AURKA: variants seen among roughly 807,000 people sequenced by gnomAD.
The protein encoded by AURKA is aurora kinase A.
AURKA carries 12 observed loss-of-function variants against 40.9 expected under a neutral mutation model. The observed-to-expected ratio is 0.29, with a 90% confidence interval of 0.19 to 0.48. The LOEUF (loss-of-function observed/expected upper bound fraction) is 0.48, where lower values mean the gene tolerates loss of function less well. Among genes scored for constraint, AURKA ranks in the 20% least tolerant of loss-of-function variants. The pLI is 0.99. For synonymous variants in AURKA, 170 were observed against 164.3 expected (o/e 1.03, Z -0.26); for missense variants, 322 against 462.1 (o/e 0.70, Z 2.78).
Position 56,373,765 on chromosome 20 carries a change from A to G in AURKA, c.706-209T>C, listed in dbSNP as rs952749175. 3.9e-5 allele frequency among the ~76,000 whole-genome samples: 6 copies of G among 152,144 alleles called. No homozygotes were observed. The highest frequency in any genetic ancestry group is 1.4e-4 in the African/African-American group (6 of 41,412). ...CAGGGGTTCAAGACCAGCCTGGGAA[A>G]CATAGCAAGACTCCATCTCTACAAA... On this transcript the variant is annotated intron_variant, in intron 6 of 8. Transcript: ENST00000395915. The surrounding 1 kb of genome is among the most constrained non-coding windows in gnomAD (Gnocchi z 5.0).
chr20:56,382,800 C>T (rs1985888045), intron 5 of AURKA, among the ~76,000 whole-genome samples, 185 bp downstream of exon 5: 1 of 151,498 alleles, frequency 6.6e-6, no homozygotes. Context: ...TAACCCAGTG[C>T]AGTACAGAAG....
At chr20:56,388,102 C>T in intron 2 of AURKA, 54 bp downstream of exon 2, 1 of 1,597,022 alleles carries the variant, frequency 6.3e-7, no homozygotes, top group South Asian at 1.1e-5. Context: ...CCGACAAGAC[C>T]AACCTCCATG....
At chr20:56,391,659 T>C (rs1332094123) in intron 1 of AURKA, among the ~76,000 whole-genome samples, 1 of 152,044 alleles carries the variant, frequency 6.6e-6, no homozygotes, top group Non-Finnish European at 1.5e-5. Flanking sequence ...TTCTCATTCA[T>C]CAATTCACCC....
At chr20:56,375,271 G>C in intron 6 of AURKA, among the ~76,000 whole-genome samples, 1 of 151,254 alleles carries the variant, frequency 6.6e-6, no homozygotes, top group East Asian at 1.9e-4. Context: ...GGGACTACAG[G>C]TGTGTGCCAC....
intron 6 of AURKA, among the ~76,000 whole-genome samples, chr20:56,374,084 A>C (rs941480526): frequency 6.6e-6 from 1 of 152,126 alleles, no homozygotes; most frequent in African/African-American, 2.4e-5. Flanking sequence ...GTTAGCATGA[A>C]GTGAAATTAC....
chr20:56,371,313 T>C (rs1489803601), intron 7 of AURKA, among the ~76,000 whole-genome samples: 3 of 151,612 alleles, frequency 2.0e-5, no homozygotes, highest in Non-Finnish European at 4.4e-5. Context: ...ATACAAAAAA[T>C]TAGCCGGGTG....
intron 7 of AURKA, 108 bp from the exon 8 acceptor site, chr20:56,370,767 G>A: frequency 8.3e-7 from 1 of 1,209,936 alleles, no homozygotes; most frequent in South Asian, 1.4e-5. Context: ...CCCTGGGCCA[G>A]ATCCTGTGCC....
At chr20:56,387,309 C>T (rs1015459500) in intron 2 of AURKA, among the ~76,000 whole-genome samples, 10 of 152,176 alleles carry the variant, frequency 6.6e-5, no homozygotes, top group Admixed American at 5.9e-4. Flanking sequence ...CCTGCCACCA[C>T]GCCTGGCTAA....
At chr20:56,381,093 C>T (rs982283757) in intron 6 of AURKA, among the ~76,000 whole-genome samples, 1 of 151,980 alleles carries the variant, frequency 6.6e-6, no homozygotes, top group Admixed American at 6.6e-5. Flanking sequence ...CATAACAAGA[C>T]CCTGTCCCTT....
At chr20:56,388,434 G>A (rs1307942372) in intron 1 of AURKA, 1 of 575,296 alleles carries the variant, frequency 1.7e-6, no homozygotes, top group African/African-American at 1.9e-5. Flanking sequence ...CTTCACTCCT[G>A]ATGGTCTTGC....
chr20:56,370,283 G>C lies in AURKA; in HGVS notation c.1087C>G (p.Leu363Val), dbSNP rs2146120918. ...TEGARDLISR[L>V]LKHNPSQRPM... ...CTCTGGCTGGGATTATGCTTCAACA[G>C]TCTTGAAATGAGGTCCCTGGCTCCC... Residue 363 changes from leucine to valine, a missense_variant, in exon 9 of 9, where the codon CTG becomes GTG. Transcript: ENST00000395915. The C allele has an allele frequency of 6.2e-7, 1 of 1,614,194 alleles. No homozygotes were observed. The highest frequency in any genetic ancestry group is 8.5e-7 in the Non-Finnish European group (1 of 1,180,036).
At chr20:56,390,376 G>C (rs950629359) in intron 1 of AURKA, among the ~76,000 whole-genome samples, 1 of 149,748 alleles carries the variant, frequency 6.7e-6, no homozygotes, top group Non-Finnish European at 1.5e-5. Flanking sequence ...GCGCAATCTC[G>C]GCTCACCCGC....
chr20:56,382,303 G>A (rs1043897769), intron 5 of AURKA, among the ~76,000 whole-genome samples: 3 of 152,190 alleles, frequency 2.0e-5, no homozygotes, highest in Non-Finnish European at 4.4e-5. Context: ...ACTGTGGCCA[G>A]CGGGAAGCAG....
At chr20:56,379,080 A>G (rs1310518904) in intron 6 of AURKA, among the ~76,000 whole-genome samples, 1 of 152,200 alleles carries the variant, frequency 6.6e-6, no homozygotes, top group Non-Finnish European at 1.5e-5. Flanking sequence ...TGACAAAAAA[A>G]TCTCATTGCA....
At chr20:56,384,450 T>G (rs950520084) in intron 3 of AURKA, 126 bp from the exon 4 acceptor site, 270 of 501,560 alleles carry the variant, frequency 5.4e-4, no homozygotes, top group Middle Eastern at 1.7e-3. Flanking sequence ...GATAAATCTG[T>G]TTTTTTTTTT....
rs1367962330 is a variant in AURKA, at chr20:56,369,982, T to C, written c.*176A>G. On this transcript the variant is annotated 3_prime_UTR_variant, in exon 9 of 9. Transcript: ENST00000395915. ...TTTCACTTCAGAGTGTCATGTTTAT[T>C]GATGTGGAGCTTTCTGAATAGGGAG... 3 of 753,528 alleles carry C rather than the reference T, an allele frequency of 4.0e-6. No homozygotes were observed. The Admixed American group carries it at 6.1e-5, about 15-fold the overall frequency. The allele number at this position is 753,528 out of a possible 1,614,324, so 46.7% of individuals were successfully genotyped here. A position where few individuals can be genotyped will look rare whatever the true frequency, so the allele number is the denominator to read the frequency against.
chr20:56,378,912 T>C (rs1985320379), intron 6 of AURKA, among the ~76,000 whole-genome samples: 1 of 152,180 alleles, frequency 6.6e-6, no homozygotes, highest in African/African-American at 2.4e-5. Context: ...ACACAGGATT[T>C]TTTTTTTCTT....
chr20:56,390,252 C>T (rs1039253522), intron 1 of AURKA, among the ~76,000 whole-genome samples: 2 of 152,132 alleles, frequency 1.3e-5, no homozygotes, highest in Non-Finnish European at 2.9e-5. Flanking sequence ...CTTCTTGCTC[C>T]CTTTATTACG....
At chr20:56,371,329 G>A (rs1984163891) in intron 7 of AURKA, among the ~76,000 whole-genome samples, 2 of 152,054 alleles carry the variant, frequency 1.3e-5, no homozygotes, top group East Asian at 1.9e-4. Context: ...GGGTGTGGTG[G>A]TGTGCGCCTG....
Sources: allele counts gnomAD v4.1 joint callset (sites outside exome capture counted in the v4.1 genomes callset), GRCh38; gene constraint gnomAD v4.1.1; non-coding constraint Gnocchi (gnomAD v3.1); transcripts MANE v1.5; gene names NCBI Gene and HGNC (gene_info 2026-07-23, HGNC 2026-07-21).